The following AKAP6 variants were observed in gnomAD, a reference collection of about 807,000 sequenced individuals.
AKAP6 encodes the protein A-kinase anchoring protein 6.
A neutral mutation model predicts 188.5 loss-of-function variants in AKAP6; 58 were observed. The observed-to-expected ratio is 0.31, with a 90% CI of 0.25 to 0.38. The LOEUF (loss-of-function observed/expected upper bound fraction) is 0.38. Among genes scored for constraint, AKAP6 ranks in the 10% least tolerant of loss-of-function variants. The probability of loss-of-function intolerance (pLI) is 1.00; values close to 1 mark genes in which losing one functional copy is unlikely to be tolerated. For missense variants in AKAP6, 2,710 were observed against 2,740.0 expected, an observed-to-expected ratio of 0.99 and a Z score of 0.24; for synonymous variants, 989 against 998.6, an observed-to-expected ratio of 0.99 and a Z score of 0.18.
chr14:32,525,091 C>T (rs1882052951), intron 2 of AKAP6, among the ~76,000 whole-genome samples: 1 of 152,194 alleles, frequency 6.6e-6, no homozygotes, highest in Admixed American at 6.5e-5. Flanking sequence ...TATTGAGAGT[C>T]AAGACCACAG....
intron 12 of AKAP6, among the ~76,000 whole-genome samples, chr14:32,790,515 G>A (rs2033575535): frequency 6.6e-6 from 1 of 152,156 alleles, no homozygotes; most frequent in Non-Finnish European, 1.5e-5. Context: ...CAGACTAACC[G>A]TGGACCTCTC....
At chr14:32,534,475 A>G (rs900110938) in intron 2 of AKAP6, among the ~76,000 whole-genome samples, 3 of 152,240 alleles carry the variant, frequency 2.0e-5, no homozygotes, top group African/African-American at 7.2e-5. Flanking sequence ...AACAAGTGAC[A>G]TGTCAGATAC....
In AKAP6 at chr14:32,837,269, C is replaced by T. The variant is rs1318578114; in HGVS notation, c.*7464C>T. 1 of 152,116 alleles carries T rather than the reference C, an allele frequency of 6.6e-6. No individual in the cohort carries two copies. Among genetic ancestry groups the T allele is most frequent in the African/African-American group, 2.4e-5 (1 of 41,422 alleles). The allele number at this position is 152,116 out of a possible 1,614,324, so 9.4% of individuals were successfully genotyped here. A position where few individuals can be genotyped will look rare whatever the true frequency, so the allele number is the denominator to read the frequency against. ...AAATATGATGTAATAAGAAACAATC[C>T]TGAAATTATTAAAACATTTCTTTGT... On this transcript the variant is annotated 3_prime_UTR_variant, in exon 14 of 14. Coordinates refer to ENST00000280979, the MANE Select transcript of AKAP6 (RefSeq NM_004274.5).
At chr14:32,723,384 A>G (rs543282479) in intron 9 of AKAP6, among the ~76,000 whole-genome samples, 1 of 152,222 alleles carries the variant, frequency 6.6e-6, no homozygotes, top group East Asian at 1.9e-4. Context: ...TCATTATGGC[A>G]GCATGTTTTG....
intron 11 of AKAP6, among the ~76,000 whole-genome samples, chr14:32,742,677 C>G (rs1441763290): frequency 6.6e-6 from 1 of 151,880 alleles, no homozygotes; most frequent in Non-Finnish European, 1.5e-5. Context: ...TGTATAGTTT[C>G]CAAAATTTTT....
chr14:32,687,902 C>T (rs900512414), intron 8 of AKAP6, among the ~76,000 whole-genome samples: 29 of 151,994 alleles, frequency 1.9e-4, no homozygotes, highest in African/African-American at 6.8e-4. Flanking sequence ...AAAAATCTTA[C>T]CAGTAGAAAT....
At chr14:32,793,792 A>G (rs2033681253) in intron 12 of AKAP6, among the ~76,000 whole-genome samples, 1 of 152,090 alleles carries the variant, frequency 6.6e-6, no homozygotes, top group South Asian at 2.1e-4. Context: ...CTTCAATTCA[A>G]TAAAACTGAC....
intron 11 of AKAP6, among the ~76,000 whole-genome samples, chr14:32,773,281 GA>G (rs1165789915): frequency 6.6e-6 from 1 of 152,066 alleles, no homozygotes; most frequent in African/African-American, 2.4e-5. Context: ...AGTAAATTTG[GA>G]AAAATTCTAT....
intron 4 of AKAP6, among the ~76,000 whole-genome samples, chr14:32,551,940 A>G (rs1407808184): frequency 6.6e-6 from 1 of 152,102 alleles, no homozygotes; most frequent in African/African-American, 2.4e-5. Flanking sequence ...TGCTGGGATT[A>G]TAGGCGTGAG....
At chr14:32,572,400 G>C (rs541957162) in intron 4 of AKAP6, among the ~76,000 whole-genome samples, 1 of 152,302 alleles carries the variant, frequency 6.6e-6, no homozygotes, top group Admixed American at 6.5e-5. Context: ...TCGACTTTCA[G>C]TTCCACAAGG....
chr14:32,678,535 G>C, intron 8 of AKAP6, 76 bp downstream of exon 8: 1 of 1,555,272 alleles, frequency 6.4e-7, no homozygotes, highest in Non-Finnish European at 8.8e-7. Flanking sequence ...TAGGTGTTAG[G>C]AAGGTATTTC....
At chr14:32,510,477 C>CAT (rs1285195480) in intron 2 of AKAP6, among the ~76,000 whole-genome samples, 44 of 72,906 alleles carry the variant, frequency 6.0e-4, no homozygotes, top group Middle Eastern at 7.2e-3. Context: ...TATATATATA[C>CAT]ATATATATAT....
At position 32,822,151 on chromosome 14, in the gene AKAP6, T is replaced by G. The variant is rs1203241092; in HGVS notation, c.4338T>G (p.Ile1446Met). Residue 1446 changes from isoleucine (I) to methionine (M), a missense_variant, in exon 13 of 14, where the codon ATT becomes ATG. This residue lies in a region of AKAP6 where 2,473 missense variants were observed against 2,426.1 expected (regional missense o/e 1.02). Transcript: ENST00000280979. The part of the protein sequence containing the change: ...VNGKVGDLNS[I>M]TKHTPDCLGE... ...GAAAAGTTGGAGATTTAAACAGTATTACCAAACATACCCCTGACTGTTTGG... is the reference window on the plus strand; with the variant it reads ...GAAAAGTTGGAGATTTAAACAGTATGACCAAACATACCCCTGACTGTTTGG... 1 of 1,613,910 alleles carries G rather than the reference T, an allele frequency of 6.2e-7. No individual in the cohort carries two copies. The highest frequency in any genetic ancestry group is 1.1e-5 in the South Asian group (1 of 91,078).
chr14:32,470,986 G>A (rs1044313621), intron 2 of AKAP6, among the ~76,000 whole-genome samples: 1 of 152,156 alleles, frequency 6.6e-6, no homozygotes, highest in African/African-American at 2.4e-5. Context: ...TTAGATACAT[G>A]AGGATAGACT....
chr14:32,352,103 T>TGTGTGTG (rs1887300629), intron 1 of AKAP6, among the ~76,000 whole-genome samples: 1 of 120,356 alleles, frequency 8.3e-6, no homozygotes, highest in African/African-American at 3.5e-5. Flanking sequence ...GTGTGTGTGT[T>TGTGTGTG]TGTGTGTGTG....
intron 9 of AKAP6, among the ~76,000 whole-genome samples, chr14:32,728,946 C>G (rs943187869): frequency 6.6e-6 from 1 of 152,164 alleles, no homozygotes; most frequent in African/African-American, 2.4e-5. Flanking sequence ...TCCTGGCCAT[C>G]TTTTGATGAT....
At chr14:32,440,345 G>A (rs1257971569) in intron 2 of AKAP6, among the ~76,000 whole-genome samples, 1 of 151,520 alleles carries the variant, frequency 6.6e-6, no homozygotes, top group African/African-American at 2.4e-5. Context: ...TGGGGGGAGT[G>A]GGGAGGGATA....
chr14:32,770,995 C>G (rs780049775), intron 11 of AKAP6, among the ~76,000 whole-genome samples: 2 of 151,986 alleles, frequency 1.3e-5, no homozygotes, highest in Non-Finnish European at 2.9e-5. Context: ...GAAATGAAGC[C>G]AAAGATAGTT....
intron 12 of AKAP6, 77 bp from the exon 13 acceptor site, chr14:32,821,323 TGA>T: frequency 6.8e-7 from 1 of 1,476,238 alleles, no homozygotes; most frequent in South Asian, 1.4e-5. Context: ...CTGAGTCTTC[TGA>T]GAGATTTTCA....
Sources: allele counts gnomAD v4.1 joint callset (sites outside exome capture counted in the v4.1 genomes callset), GRCh38; gene constraint gnomAD v4.1.1; regional missense constraint gnomAD v4.1.1; transcripts MANE v1.5; gene names NCBI Gene and HGNC (gene_info 2026-07-23, HGNC 2026-07-21).